Variants in ABCA4 observed in about 807,000 individuals in gnomAD.
ABCA4 encodes ATP binding cassette subfamily A member 4.
A neutral mutation model predicts 263.7 loss-of-function variants in ABCA4; 196 were observed. The observed-to-expected ratio is 0.74, with a 90% CI of 0.66 to 0.84. The LOEUF (loss-of-function observed/expected upper bound fraction) is 0.84, where lower values mean the gene tolerates loss of function less well. Among genes scored for constraint, ABCA4 ranks in the 40% least tolerant of loss-of-function variants. ABCA4 has a pLI of 0.00. For synonymous variants in ABCA4, 1,133 were observed against 1,094.2 expected (o/e 1.04, Z -0.70); for missense variants, 2,792 against 2,855.1 (o/e 0.98, Z 0.50).
intron 30 of ABCA4, 115 bp downstream of exon 30, chr1:94,029,330 T>TACTCAA: frequency 1.8e-6 from 2 of 1,085,630 alleles, no homozygotes; most frequent in Non-Finnish European, 2.6e-6. Flanking sequence ...TTTAGTCCCC[T>TACTCAA]ACTCAACTGC....
intron 1 of ABCA4, among the ~76,000 whole-genome samples, chr1:94,118,182 G>A (rs1225357857): frequency 6.6e-6 from 1 of 152,132 alleles, no homozygotes; most frequent in Non-Finnish European, 1.5e-5. Flanking sequence ...TCACAGAGAG[G>A]CCTCTCTCGT....
Position 94,008,896 on chromosome 1 carries a change from T to G in ABCA4, c.5715-25A>C, listed in dbSNP as rs4147856. 0.19 allele frequency: 303,640 copies of G among 1,608,624 alleles called. 29,538 individuals are homozygous for G. Among genetic ancestry groups the G allele is most frequent in the African/African-American group, 0.24 (18,156 of 74,526 alleles). On this transcript the variant is annotated intron_variant, in intron 40 of 49. Coordinates refer to ENST00000370225, the MANE Select transcript of ABCA4 (RefSeq NM_000350.3). ...CCTAGATGAAGAAAAGGGGTCAGGA[T>G]TGGGCTGGCTGTACAGTGTCCTTGG... is the stretch of plus-strand genomic sequence containing the variant.
At chr1:94,021,546 G>A in intron 34 of ABCA4, 94 bp downstream of exon 34, 2 of 1,498,234 alleles carry the variant, frequency 1.3e-6, no homozygotes, top group Non-Finnish European at 1.9e-6. Context: ...AGCAGGAGGA[G>A]GGATGGAATT....
At chr1:94,108,312 T>C (rs895833468) in intron 4 of ABCA4, among the ~76,000 whole-genome samples, 5 of 152,306 alleles carry the variant, frequency 3.3e-5, no homozygotes, top group African/African-American at 1.2e-4. Flanking sequence ...ATACTTCCCA[T>C]AGTGCCATCT....
intron 49 of ABCA4, among the ~76,000 whole-genome samples, chr1:93,995,599 T>A (rs1658977198): frequency 6.6e-6 from 1 of 152,200 alleles, no homozygotes; most frequent in African/African-American, 2.4e-5. Flanking sequence ...GTAATTTTTA[T>A]AAAGAACAAA....
chr1:94,004,270 G>A (rs746785224), intron 44 of ABCA4, among the ~76,000 whole-genome samples: 4 of 152,088 alleles, frequency 2.6e-5, no homozygotes, highest in Admixed American at 6.5e-5. Flanking sequence ...TGCTACCTCC[G>A]GTTCCTATCC....
In ABCA4 at chr1:94,098,919, T is replaced by C. The variant is rs763537540; in HGVS notation, c.643A>G (p.Ile215Val). 9.0e-5 allele frequency: 145 copies of C among 1,613,722 alleles called. 1 individual carries two copies. The South Asian group carries it at 1.6e-3, about 17-fold the overall frequency. ...CSEALLERFI[I>V]FSQRRGAKTV... ...TTTGCCCCGCGTCTCTGGCTGAAGA[T>C]GATGAAGCGCTCCAGGAGGGCCTCG... The change falls in exon 6 of 50, where the codon ATC becomes GTC. Residue 215 changes from isoleucine (I) to valine (V), a missense_variant. Coordinates refer to ENST00000370225, the MANE Select transcript of ABCA4 (RefSeq NM_000350.3).
chr1:94,004,659 G>A (rs552282531), intron 44 of ABCA4, among the ~76,000 whole-genome samples: 3 of 152,052 alleles, frequency 2.0e-5, no homozygotes, highest in South Asian at 4.1e-4. Flanking sequence ...TTTCATTTTT[G>A]CCTACTTCCC....
Position 94,112,960 on chromosome 1 carries a change from C to T in ABCA4, c.160+13G>A. 1 of 1,608,794 alleles carries T rather than the reference C, an allele frequency of 6.2e-7. No individual in the cohort carries two copies. The highest frequency in any genetic ancestry group is 8.5e-7 in the Non-Finnish European group (1 of 1,175,114). On this transcript the variant is annotated intron_variant, in intron 2 of 49. Coordinates refer to ENST00000370225, the MANE Select transcript of ABCA4 (RefSeq NM_000350.3). Reference sequence around the variant, plus strand: ...CTCTTCAGGGCTTGCCCAAGCTACCCTGCTATGCTTACATTCATGATGGCT... The same window carrying T: ...CTCTTCAGGGCTTGCCCAAGCTACCTTGCTATGCTTACATTCATGATGGCT...
intron 35 of ABCA4, among the ~76,000 whole-genome samples, chr1:94,020,484 T>C (rs1431149426): frequency 6.6e-6 from 1 of 152,242 alleles, no homozygotes; most frequent in Non-Finnish European, 1.5e-5. Context: ...ATACACGTAG[T>C]AAGCTTAGAA....
Position 94,008,754 on chromosome 1 carries a change from G to A in ABCA4, c.5832C>T (p.Thr1944=), listed in dbSNP as rs1267066613. 6.2e-7 allele frequency: 1 copy of A among 1,613,830 alleles called. No individual in the cohort carries two copies. Residue 1944 remains threonine (T), a synonymous_variant, in exon 41 of 50, where the codon ACC becomes ACT. Transcript: ENST00000370225. ...AAACTCATACCCATTCCCTTACCTT[G>A]GTTAGTTCATGTAGCCTTAAGATGT... is the stretch of plus-strand genomic sequence containing the variant. ...KTDILRLHEL[T]KIYPGTSSPA...
intron 44 of ABCA4, among the ~76,000 whole-genome samples, chr1:94,003,032 A>G (rs28376049): frequency 0.13 from 19,410 of 152,184 alleles, 2,070 homozygotes; most frequent in African/African-American, 0.29. Context: ...TTGAGGGTAA[A>G]TTACTCATCA....
chr1:94,099,482 C>A (rs1023706683), intron 5 of ABCA4, among the ~76,000 whole-genome samples: 1 of 152,160 alleles, frequency 6.6e-6, no homozygotes, highest in Non-Finnish European at 1.5e-5. Flanking sequence ...ATGACAGCAG[C>A]AACAGGAAAC....
Position 94,036,942 on chromosome 1 carries a change from C to T in ABCA4, c.3814-154G>A, listed in dbSNP as rs569681702. Among the ~76,000 whole-genome samples the T allele has an allele frequency of 5.3e-5, 8 of 152,280 alleles. No homozygotes were observed. In the South Asian group the frequency reaches 1.0e-3, roughly 20 times the overall value. On this transcript the variant is annotated intron_variant, in intron 25 of 49. Coordinates refer to ENST00000370225, the MANE Select transcript of ABCA4 (RefSeq NM_000350.3). Reference sequence around the variant, plus strand: ...ACATCATCTTCTATAAATACAAAAACGTAAGCACACAGTAACCACAAGTAC... The same window carrying T: ...ACATCATCTTCTATAAATACAAAAATGTAAGCACACAGTAACCACAAGTAC...
chr1:94,072,062 T>G (rs1312526730), intron 11 of ABCA4, among the ~76,000 whole-genome samples: 2 of 152,200 alleles, frequency 1.3e-5, no homozygotes, highest in African/African-American at 4.8e-5. Context: ...TTTTCTTAGG[T>G]TATCCTGAAA....
At position 94,079,404 on chromosome 1, in the gene ABCA4, G is replaced by A. The variant is rs767034759; in HGVS notation, c.1157C>T (p.Ala386Val). The A allele has an allele frequency of 7.4e-6, 12 of 1,614,060 alleles. No homozygotes were observed. The highest frequency in any genetic ancestry group is 9.3e-6 in the Non-Finnish European group (11 of 1,180,036). Residue 386 changes from alanine (A) to valine (V), a missense_variant, in exon 9 of 50, where the codon GCT (alanine) becomes GTT (valine). By Grantham distance (64) the Ala-to-Val change is moderately conservative (BLOSUM62 0). Coordinates refer to ENST00000370225, the MANE Select transcript of ABCA4 (RefSeq NM_000350.3). ...SLESNPLTKIAWRAAKPLLMG... is the reference protein window; with the variant it reads ...SLESNPLTKIVWRAAKPLLMG... ...CAGCAAAGGCTTTGCCGCCCTCCAA[G>A]CGATTTTGGTTAAAGGATTTGACTC...
intron 7 of ABCA4, among the ~76,000 whole-genome samples, chr1:94,082,130 C>T (rs1416225010): frequency 1.3e-5 from 2 of 152,192 alleles, no homozygotes; most frequent in Non-Finnish European, 2.9e-5. Context: ...ACCATCTATG[C>T]TTCAATAAAG....
intron 10 of ABCA4, 139 bp from the exon 11 acceptor site, chr1:94,078,026 A>G: frequency 1.3e-6 from 1 of 773,916 alleles, no homozygotes; most frequent in Non-Finnish European, 2.1e-6. Flanking sequence ...AGCTTGTTCC[A>G]CTATGAAACA....
intron 44 of ABCA4, among the ~76,000 whole-genome samples, chr1:94,003,934 A>T (rs112327683): frequency 1.3e-5 from 2 of 151,460 alleles, no homozygotes; most frequent in African/African-American, 4.8e-5. Context: ...CACCATGCCC[A>T]GCCCCTTATT....
Sources: allele counts gnomAD v4.1 joint callset (sites outside exome capture counted in the v4.1 genomes callset), GRCh38; gene constraint gnomAD v4.1.1; transcripts MANE v1.5; gene names NCBI Gene and HGNC (gene_info 2026-07-23, HGNC 2026-07-21).